ADK: variants seen among roughly 807,000 people sequenced by gnomAD.
The protein encoded by ADK is adenosine kinase, also known as N6,N6-dimethyladenosine kinase.
In ADK, 24 loss-of-function variants were observed where a neutral mutation model predicts 44.7. The ratio of observed to expected loss-of-function variants is 0.54; its 90% CI spans 0.39 to 0.76. ADK has a LOEUF of 0.76. Ranked by LOEUF, ADK falls within the 30% of genes least tolerant of loss-of-function variation. ADK has a pLI of 0.00. For missense variants in ADK, 321 were observed against 425.1 expected, an observed-to-expected ratio of 0.76 and a Z score of 2.15; for synonymous variants, 128 against 142.6, an observed-to-expected ratio of 0.90 and a Z score of 0.73.
At chr10:74,623,605 T>A (rs1853077552) in intron 9 of ADK, among the ~76,000 whole-genome samples, 1 of 152,000 alleles carries the variant, frequency 6.6e-6, no homozygotes. Context: ...GCATATCTTG[T>A]AAATGCATTT....
At chr10:74,452,401 G>A (rs569942260) in intron 6 of ADK, among the ~76,000 whole-genome samples, 31 of 152,050 alleles carry the variant, frequency 2.0e-4, no homozygotes, top group African/African-American at 7.5e-4. Flanking sequence ...TGACACATAT[G>A]AATGTAGTGG....
At position 74,550,645 on chromosome 10, in the gene ADK, A is replaced by G. The variant is rs545032693; in HGVS notation, c.726+25219A>G. Reference sequence around the variant, plus strand: ...GTGTTTGGTAGATTGGAATAGGGGCATAGTAAATGTGGGTTGACATGGTAT... The same window carrying G: ...GTGTTTGGTAGATTGGAATAGGGGCGTAGTAAATGTGGGTTGACATGGTAT... On this transcript the variant is annotated intron_variant, in intron 7 of 10. Transcript: ENST00000539909. Among the ~76,000 whole-genome samples, 7 of 152,332 alleles carry G rather than the reference A, an allele frequency of 4.6e-5. No homozygotes were observed. In the East Asian group the frequency reaches 1.3e-3, roughly 29 times the overall value.
At chr10:74,584,171 T>C (rs917912062) in intron 7 of ADK, among the ~76,000 whole-genome samples, 3 of 152,206 alleles carry the variant, frequency 2.0e-5, no homozygotes, top group Non-Finnish European at 2.9e-5. Context: ...CCTACACATA[T>C]AATCCACAGA....
chr10:74,490,468 T>C (rs529783757), intron 6 of ADK, among the ~76,000 whole-genome samples: 2 of 152,236 alleles, frequency 1.3e-5, no homozygotes, highest in Admixed American at 1.3e-4. Flanking sequence ...ACATTCTCTA[T>C]ATGTAGAGGG....
Position 74,512,225 on chromosome 10 carries a change from T to A in ADK, c.556-13031T>A, listed in dbSNP as rs1848361181. 2.0e-5 allele frequency among the ~76,000 whole-genome samples: 3 copies of A among 152,294 alleles called. No individual in the cohort carries two copies. The South Asian group carries it at 6.2e-4, about 32-fold the overall frequency. ...ATTTTGTTGTGGACTTTTGCATGTA[T>A]GTTCATCAGGGATATTGGCCTATCA... On this transcript the variant is annotated intron_variant, in intron 6 of 10. Transcript: ENST00000539909.
chr10:74,552,717 A>T (rs1850078561), intron 7 of ADK, among the ~76,000 whole-genome samples: 1 of 152,192 alleles, frequency 6.6e-6, no homozygotes, highest in African/African-American at 2.4e-5. Flanking sequence ...CCAGAAATCA[A>T]TAATAAGACA....
At chr10:74,274,503 A>C (rs1035187116) in intron 3 of ADK, among the ~76,000 whole-genome samples, 5 of 92 alleles carry the variant, frequency 0.054, no homozygotes, top group Admixed American at 0.19. Flanking sequence ...CAGAGGTTGC[A>C]GTGAGCCTGA....
intron 1 of ADK, among the ~76,000 whole-genome samples, chr10:74,172,831 G>C (rs1417047384): frequency 6.6e-6 from 1 of 151,182 alleles, no homozygotes; most frequent in Non-Finnish European, 1.5e-5. Flanking sequence ...GCTTGAACCC[G>C]GGAGGCAGAG....
chr10:74,675,872 C>G (rs1248404203), intron 10 of ADK, among the ~76,000 whole-genome samples: 2 of 152,044 alleles, frequency 1.3e-5, no homozygotes, highest in Non-Finnish European at 1.5e-5. Flanking sequence ...CTGTGTTAAT[C>G]TAATATGATT....
At chr10:74,628,659 A>T (rs1208571233) in intron 9 of ADK, among the ~76,000 whole-genome samples, 12 of 152,102 alleles carry the variant, frequency 7.9e-5, no homozygotes, top group African/African-American at 2.9e-4. Flanking sequence ...TCTAATATGA[A>T]TACAACCAAG....
intron 4 of ADK, among the ~76,000 whole-genome samples, chr10:74,364,489 A>G (rs1414157371): frequency 6.6e-6 from 1 of 152,110 alleles, no homozygotes; most frequent in Admixed American, 6.5e-5. Context: ...TGTCTGACTT[A>G]TCTCTGGCAT....
intron 6 of ADK, among the ~76,000 whole-genome samples, chr10:74,503,382 T>C (rs1338157152): frequency 1.3e-5 from 2 of 152,212 alleles, no homozygotes; most frequent in Non-Finnish European, 2.9e-5. Flanking sequence ...TCAGAGATTA[T>C]ATAGGAAAGA....
chr10:74,402,017 A>T (rs187471862), intron 6 of ADK, among the ~76,000 whole-genome samples: 1 of 152,318 alleles, frequency 6.6e-6, no homozygotes, highest in African/African-American at 2.4e-5. Context: ...TTGGCTCGAT[A>T]TGAATTTCTG....
rs1564642278 is a variant in ADK, at chr10:74,302,105, GTTTGTTTTTTTTT to G, written c.195-12558_195-12546del. ...TTTCTTTTCTGTTTTTTTTTTGTTT[GTTTGTTTTTTTTT>G]TTTTTTTTTTTTTTTTTTTTTTTTT... On this transcript the variant is annotated intron_variant, in intron 3 of 10. Coordinates refer to ENST00000539909, the MANE Select transcript of ADK (RefSeq NM_006721.4). 4.0e-3 allele frequency among the ~76,000 whole-genome samples: 353 copies of G among 88,844 alleles called. 32 individuals carry two copies. Among genetic ancestry groups the G allele is most frequent in the African/African-American group, 9.7e-3 (182 of 18,840 alleles). The allele number at this position is 88,844 out of a possible 152,430, so 58.3% of individuals were successfully genotyped here.
chr10:74,484,165 C>T (rs1847184353), intron 6 of ADK, among the ~76,000 whole-genome samples: 1 of 152,174 alleles, frequency 6.6e-6, no homozygotes, highest in African/African-American at 2.4e-5. Flanking sequence ...TCCGCAGGCT[C>T]TACAGGACAT....
intron 4 of ADK, among the ~76,000 whole-genome samples, chr10:74,377,274 A>G (rs10824164): frequency 0.12 from 18,670 of 152,202 alleles, 1,206 homozygotes; most frequent in Middle Eastern, 0.17. Flanking sequence ...AAGGGTTACA[A>G]CCTGTAGGCT....
At chr10:74,611,394 G>A (rs950090848) in intron 9 of ADK, among the ~76,000 whole-genome samples, 4 of 151,924 alleles carry the variant, frequency 2.6e-5, no homozygotes, top group Non-Finnish European at 4.4e-5. Context: ...TTTTCACAAA[G>A]GGAGAAAATA....
intron 7 of ADK, among the ~76,000 whole-genome samples, chr10:74,525,829 G>A (rs10824199): frequency 0.99 from 150,595 of 152,148 alleles, 74,614 homozygotes; most frequent in Middle Eastern, 1. Flanking sequence ...TAAATTTTGT[G>A]TTTTTAGTAG....
At chr10:74,447,738 TAAG>T (rs774694112) in intron 6 of ADK, among the ~76,000 whole-genome samples, 10 of 152,266 alleles carry the variant, frequency 6.6e-5, no homozygotes, top group South Asian at 2.1e-4. Context: ...CAAAAAATGA[TAAG>T]AAGTCAATTA....
Sources: gnomAD v4.1 joint callset for allele counts (sites outside exome capture counted in the v4.1 genomes callset) on GRCh38, gnomAD v4.1.1 for gene constraint, MANE v1.5 for transcripts, NCBI Gene and HGNC (gene_info 2026-07-23, HGNC 2026-07-21) for gene names.